Variants in FAM135B observed in about 807,000 individuals in gnomAD.
FAM135B encodes protein FAM135B.
FAM135B carries 43 observed loss-of-function variants against 127.7 expected under a neutral mutation model. That is an observed-to-expected ratio of 0.34 (90% CI 0.26 to 0.43). FAM135B has a LOEUF of 0.43. Among genes scored for constraint, FAM135B ranks in the 20% least tolerant of loss-of-function variants. The pLI is 1.00. For missense variants in FAM135B, 1,558 were observed against 1,725.6 expected (o/e 0.90, Z 1.72); for synonymous variants, 670 against 665.1 (o/e 1.01, Z -0.11).
chr8:138,364,051 C>T (rs1475049450), intron 2 of FAM135B, among the ~76,000 whole-genome samples: 1 of 152,178 alleles, frequency 6.6e-6, no homozygotes, highest in African/African-American at 2.4e-5. Context: ...ATTTCTTCTC[C>T]TTACTAATGT....
intron 3 of FAM135B, among the ~76,000 whole-genome samples, chr8:138,290,699 CAGAG>C (rs935034365): frequency 1.2e-3 from 181 of 152,136 alleles, no homozygotes; most frequent in African/African-American, 4.3e-3. Context: ...ATATTTTGAG[CAGAG>C]AGAGACTTAG....
chr8:138,269,921 G>A (rs1285022332), intron 3 of FAM135B, among the ~76,000 whole-genome samples: 1 of 152,164 alleles, frequency 6.6e-6, no homozygotes, highest in Non-Finnish European at 1.5e-5. Flanking sequence ...TTCTAGGAAC[G>A]GGAAGGACAG....
intron 7 of FAM135B, among the ~76,000 whole-genome samples, chr8:138,232,610 G>T (rs567466613): frequency 6.6e-6 from 1 of 152,090 alleles, no homozygotes. Context: ...TCATTTAAAA[G>T]ATAAATTTTA....
intron 7 of FAM135B, among the ~76,000 whole-genome samples, chr8:138,209,607 A>G (rs1305064026): frequency 6.6e-6 from 1 of 152,136 alleles, no homozygotes; most frequent in African/African-American, 2.4e-5. Context: ...GTTGATCAAG[A>G]ATCAATTCCT....
intron 1 of FAM135B, among the ~76,000 whole-genome samples, chr8:138,448,617 C>T (rs1836324020): frequency 6.6e-6 from 1 of 152,108 alleles, no homozygotes; most frequent in African/African-American, 2.4e-5. Context: ...CTCTCCTGGG[C>T]TTCTGGCTCA....
chr8:138,206,234 GCTCTCTCATCCCCTCCACCTACA>G (rs1817561315), intron 7 of FAM135B, among the ~76,000 whole-genome samples: 1 of 29,276 alleles, frequency 3.4e-5, no homozygotes, highest in African/African-American at 1.4e-4. Context: ...CCTACACACA[GCTCTCTCATCCCCTCCACCTACA>G]CACAGCTCTA....
At chr8:138,254,314 G>T (rs1821915923) in intron 5 of FAM135B, among the ~76,000 whole-genome samples, 1 of 152,190 alleles carries the variant, frequency 6.6e-6, no homozygotes, top group Non-Finnish European at 1.5e-5. Context: ...TTGAACAGAA[G>T]GTCTCATGTA....
chr8:138,381,878 G>A (rs1831878777), intron 1 of FAM135B, among the ~76,000 whole-genome samples: 2 of 152,138 alleles, frequency 1.3e-5, no homozygotes, highest in Admixed American at 6.5e-5. Flanking sequence ...GTCGGGGGAA[G>A]GATGCAGTAA....
intron 12 of FAM135B, among the ~76,000 whole-genome samples, chr8:138,162,480 C>T (rs1198959852): frequency 3.3e-5 from 5 of 152,154 alleles, no homozygotes; most frequent in Non-Finnish European, 1.5e-5. Flanking sequence ...AGTAGAGGTT[C>T]ATCTGCTGTA....
intron 3 of FAM135B, among the ~76,000 whole-genome samples, chr8:138,269,068 A>G (rs1016576448): frequency 1.3e-5 from 2 of 152,248 alleles, no homozygotes; most frequent in Non-Finnish European, 2.9e-5. Flanking sequence ...TCAGCTGCAC[A>G]AAGAATACGT....
intron 1 of FAM135B, among the ~76,000 whole-genome samples, chr8:138,368,299 CCCGGCCGAGAGCACAT>C (rs1385605501): frequency 6.6e-6 from 1 of 152,166 alleles, no homozygotes; most frequent in African/African-American, 2.4e-5. Flanking sequence ...ACAACAACAT[CCCGGCCGAGAGCACAT>C]CCTTCATGGC....
At chr8:138,362,804 G>A (rs899354790) in intron 2 of FAM135B, among the ~76,000 whole-genome samples, 2 of 152,146 alleles carry the variant, frequency 1.3e-5, no homozygotes, top group Admixed American at 1.3e-4. Context: ...GTATATGTCA[G>A]CCTCTCTCAT....
At chr8:138,190,287 AG>A (rs533866725) in intron 9 of FAM135B, among the ~76,000 whole-genome samples, 115 of 152,332 alleles carry the variant, frequency 7.5e-4, no homozygotes, top group African/African-American at 2.6e-3. Flanking sequence ...CCTCTTGGTC[AG>A]GGGCATTCAG....
chr8:138,270,687 C>T (rs1252751629), intron 3 of FAM135B, among the ~76,000 whole-genome samples: 2 of 152,238 alleles, frequency 1.3e-5, no homozygotes, highest in Admixed American at 6.5e-5. Flanking sequence ...GGCCAAGAGA[C>T]AAAAGTGAGC....
At chr8:138,427,515 T>C (rs1057472785) in intron 1 of FAM135B, among the ~76,000 whole-genome samples, 1 of 152,016 alleles carries the variant, frequency 6.6e-6, no homozygotes, top group Non-Finnish European at 1.5e-5. Flanking sequence ...ATATCTACTT[T>C]CACTAAGTGA....
chr8:138,357,541 C>A (rs548139353), intron 2 of FAM135B, among the ~76,000 whole-genome samples: 8 of 152,174 alleles, frequency 5.3e-5, no homozygotes, highest in African/African-American at 1.9e-4. Context: ...CCACAGTATG[C>A]ATATTTATGT....
chr8:138,277,397 C>T (rs1378685463), intron 3 of FAM135B, among the ~76,000 whole-genome samples: 1 of 152,220 alleles, frequency 6.6e-6, no homozygotes, highest in Non-Finnish European at 1.5e-5. Context: ...CTGCATACCT[C>T]AGAGTCCCAG....
intron 1 of FAM135B, among the ~76,000 whole-genome samples, chr8:138,431,848 G>T (rs1835205063): frequency 1.3e-5 from 2 of 152,186 alleles, no homozygotes; most frequent in Non-Finnish European, 2.9e-5. Flanking sequence ...TCCAGACTCA[G>T]ATTGACAGAG....
chr8:138,250,965 G>T lies in FAM135B; in HGVS notation c.418C>A (p.Leu140Met), dbSNP rs749923290. 6 of 1,613,976 alleles carry T rather than the reference G, an allele frequency of 3.7e-6. No individual in the cohort carries two copies. The South Asian group carries it at 6.6e-5, about 18-fold the overall frequency. ...APMVSSRTLG[L>M]HFHPRNGLHH... ...AGACCATTCCGGGGGTGGAAGTGCA[G>T]GCCAAGCGTTCGGCTGCTGACCATC... Residue 140 changes from leucine to methionine, a missense_variant, in exon 6 of 20, where the codon CTG (leucine) becomes ATG (methionine). Leu to Met is a conservative substitution (Grantham distance 15). This residue lies in a region of FAM135B where 199 missense variants were observed against 245.7 expected (regional missense o/e 0.81). Coordinates refer to ENST00000395297, the MANE Select transcript of FAM135B (RefSeq NM_015912.4).
Sources: gnomAD v4.1 joint callset for allele counts (sites outside exome capture counted in the v4.1 genomes callset) on GRCh38, gnomAD v4.1.1 for gene constraint, gnomAD v4.1.1 regional missense constraint, MANE v1.5 for transcripts, NCBI Gene and HGNC (gene_info 2026-07-23, HGNC 2026-07-21) for gene names.